CDS1: variants seen among roughly 807,000 people sequenced by gnomAD.
The protein encoded by CDS1 is phosphatidate cytidylyltransferase 1.
CDS1 carries 41 observed loss-of-function variants against 62.1 expected under a neutral mutation model. The observed-to-expected ratio is 0.66, with a 90% CI of 0.51 to 0.86. The LOEUF (loss-of-function observed/expected upper bound fraction) is 0.86. CDS1 is among the 40% of genes least tolerant of loss of function. The pLI, the probability that CDS1 is intolerant of heterozygous loss-of-function variation, is 0.00. For missense variants in CDS1, 470 were observed against 550.1 expected, an observed-to-expected ratio of 0.85 and a Z score of 1.46; for synonymous variants, 185 against 192.6, an observed-to-expected ratio of 0.96 and a Z score of 0.32.
intron 1 of CDS1, among the ~76,000 whole-genome samples, chr4:84,588,408 T>C (rs531330536): frequency 6.6e-6 from 1 of 152,370 alleles, no homozygotes; most frequent in Admixed American, 6.5e-5. Context: ...CAGGTTCTTC[T>C]TTCTTGCTGC....
At position 84,635,612 on chromosome 4, in the gene CDS1, TGCCTGCCTG is replaced by T. The variant is rs1560481487; in HGVS notation, c.810+262_810+270del. On this transcript the variant is annotated intron_variant, in intron 8 of 12. Coordinates refer to ENST00000295887, the MANE Select transcript of CDS1 (RefSeq NM_001263.4). The stretch of plus-strand genomic sequence containing the variant: ...CTGCCTGCCTGCCTGCCTGCCTGCC[TGCCTGCCTG>T]CCTGCCTTCCTTCCTTCCTTCCTTC... 4.4e-4 allele frequency among the ~76,000 whole-genome samples: 44 copies of T among 100,542 alleles called. 1 individual carries two copies. Among genetic ancestry groups the T allele is most frequent in the South Asian group, 4.9e-4 (1 of 2,028 alleles). 66.0% of individuals were successfully genotyped at this position (100,542 alleles called of 152,430 possible). A position where few individuals can be genotyped will look rare whatever the true frequency, so the allele number is the denominator to read the frequency against.
Position 84,643,015 on chromosome 4 carries a change from C to G in CDS1, c.1033-9C>G. 1 of 1,578,986 alleles carries G rather than the reference C, an allele frequency of 6.3e-7. No individual in the cohort carries two copies. Among genetic ancestry groups the G allele is most frequent in the Non-Finnish European group, 8.6e-7 (1 of 1,157,628 alleles). ...TAGCCCCTCTCCTCCCCTTCTTTCT[C>G]CTCTTTAGGAAAGAGTGAGCTTGTA... On this transcript the variant is annotated splice_polypyrimidine_tract_variant and intron_variant, in intron 10 of 12. Coordinates refer to ENST00000295887, the MANE Select transcript of CDS1 (RefSeq NM_001263.4).
intron 1 of CDS1, among the ~76,000 whole-genome samples, chr4:84,600,200 T>C (rs1722894172): frequency 6.6e-6 from 1 of 152,218 alleles, no homozygotes. Context: ...TCTGTCCAAA[T>C]ATTTTGTTCA....
intron 8 of CDS1, among the ~76,000 whole-genome samples, chr4:84,637,952 C>G (rs1052296383): frequency 5.3e-5 from 8 of 152,138 alleles, no homozygotes; most frequent in African/African-American, 1.7e-4. Flanking sequence ...GTCAAGAAAC[C>G]ATTTCTGCCA....
chr4:84,604,420 A>C, intron 2 of CDS1, 50 bp downstream of exon 2: 1 of 1,575,072 alleles, frequency 6.3e-7, no homozygotes, highest in Non-Finnish European at 8.6e-7. Flanking sequence ...ATAGGCTTTG[A>C]GGTTATCCTT....
chr4:84,600,193 G>A (rs938505629), intron 1 of CDS1, among the ~76,000 whole-genome samples: 1 of 152,080 alleles, frequency 6.6e-6, no homozygotes, highest in South Asian at 2.1e-4. Context: ...TGAAATGTCT[G>A]TCCAAATATT....
At chr4:84,611,071 T>G (rs1221625955) in intron 3 of CDS1, among the ~76,000 whole-genome samples, 3 of 152,130 alleles carry the variant, frequency 2.0e-5, no homozygotes, top group African/African-American at 4.8e-5. Context: ...AATCTGAAGG[T>G]TGAGTGGGAA....
intron 1 of CDS1, among the ~76,000 whole-genome samples, chr4:84,592,135 G>A (rs1475993768): frequency 7.0e-6 from 1 of 141,886 alleles, no homozygotes; most frequent in African/African-American, 2.6e-5. Context: ...TGGAGAGGAA[G>A]TAATTTCATT....
intron 1 of CDS1, among the ~76,000 whole-genome samples, chr4:84,584,387 A>G (rs1386004220): frequency 2.0e-5 from 3 of 152,246 alleles, no homozygotes; most frequent in Non-Finnish European, 4.4e-5. Context: ...CCGTCTGTTT[A>G]GAAAATTCCA....
intron 11 of CDS1, among the ~76,000 whole-genome samples, chr4:84,644,739 AAC>A (rs1225816080): frequency 1.3e-5 from 2 of 152,158 alleles, no homozygotes; most frequent in Non-Finnish European, 2.9e-5. Flanking sequence ...TTTTTACTCT[AAC>A]ACTTAAAAAA....
At chr4:84,608,671 C>T (rs766409651) in intron 2 of CDS1, among the ~76,000 whole-genome samples, 7 of 152,128 alleles carry the variant, frequency 4.6e-5, no homozygotes, top group Non-Finnish European at 8.8e-5. Context: ...TACTTATTCT[C>T]ATTGGCAGTC....
At chr4:84,614,091 T>G (rs1276327860) in intron 3 of CDS1, among the ~76,000 whole-genome samples, 2 of 152,160 alleles carry the variant, frequency 1.3e-5, no homozygotes, top group African/African-American at 4.8e-5. Context: ...ACATTGTGCA[T>G]CCTGCTTTTT....
intron 1 of CDS1, among the ~76,000 whole-genome samples, chr4:84,602,420 A>G (rs1458043104): frequency 6.6e-6 from 1 of 152,188 alleles, no homozygotes; most frequent in East Asian, 1.9e-4. Flanking sequence ...GAGGAGCACA[A>G]TTTGAATGCT....
intron 12 of CDS1, 94 bp from the exon 13 acceptor site, chr4:84,648,463 C>A: frequency 8.5e-7 from 1 of 1,175,956 alleles, no homozygotes; most frequent in South Asian, 1.6e-5. Flanking sequence ...CTACTCTACA[C>A]TTAAAGGAAT....
chr4:84,604,974 A>G (rs1197607165), intron 2 of CDS1, among the ~76,000 whole-genome samples: 1 of 152,138 alleles, frequency 6.6e-6, no homozygotes, highest in African/African-American at 2.4e-5. Flanking sequence ...TCCACAATCC[A>G]TTACCATTTT....
rs1257101719 is a variant in CDS1, at chr4:84,640,924, G to A, written c.966G>A (p.Glu322=). The change falls in exon 10 of 13, where the codon GAG becomes GAA. Residue 322 remains glutamate (E), a synonymous_variant. Transcript: ENST00000295887. ...TAAACTCCTTCGTGACAGAATGTGA[G>A]CCCTCAGAACTTTTCCAGCTTCAGA... The part of the protein sequence containing the change: ...SDVNSFVTEC[E]PSELFQLQTY... 2.5e-6 allele frequency: 4 copies of A among 1,611,486 alleles called. No homozygotes were observed. Among genetic ancestry groups the A allele is most frequent in the African/African-American group, 1.3e-5 (1 of 74,760 alleles).
Position 84,617,669 on chromosome 4 carries a change from A to G in CDS1, c.440+8A>G, listed in dbSNP as rs754732408. On this transcript the variant is annotated splice_region_variant and intron_variant, in intron 4 of 12. Transcript: ENST00000295887. ...GTTTAGAACACTAAGTTGGTAAGTAAGCTTGAAACTATTTCAGATATGAAA... is the reference window on the plus strand; with the variant it reads ...GTTTAGAACACTAAGTTGGTAAGTAGGCTTGAAACTATTTCAGATATGAAA... The G allele has an allele frequency of 3.6e-5, 47 of 1,297,578 alleles. No individual in the cohort carries two copies. The Middle Eastern group carries it at 5.5e-4, about 15-fold the overall frequency. The allele number at this position is 1,297,578 out of a possible 1,614,324, so 80.4% of individuals were successfully genotyped here.
chr4:84,635,253 TTTA>T lies in CDS1; in HGVS notation c.723-10_723-8del, dbSNP rs1466946253. ...TTTTCTGCTGACTTTTTTTTTTTTT[TTTA>T]AAAACAGGTTCCTTGTTCCAATATC... On this transcript the variant is annotated splice_region_variant and splice_polypyrimidine_tract_variant and intron_variant, in intron 7 of 12. Transcript: ENST00000295887. The T allele has an allele frequency of 7.0e-7, 1 of 1,435,722 alleles. No individual in the cohort carries two copies. The highest frequency in any genetic ancestry group is 1.2e-5 in the South Asian group (1 of 81,260). 88.9% of individuals were successfully genotyped at this position (1,435,722 alleles called of 1,614,324 possible).
rs1160463254 is a variant in CDS1 at position 84,624,308 on chromosome 4, G to GT, written c.580+4786dup. 4.9e-3 allele frequency among the ~76,000 whole-genome samples: 694 copies of GT among 141,546 alleles called. 4 individuals are homozygous for GT. The highest frequency in any genetic ancestry group is 0.016 in the African/African-American group (604 of 38,294). The allele number at this position is 141,546 out of a possible 152,430, so 92.9% of individuals were successfully genotyped here. ...AAAACAAACAAAAAAAAAAAAACTA[G>GT]TTTTTTTTTTTAAATGAAAATATAT... On this transcript the variant is annotated intron_variant, in intron 5 of 12. Transcript: ENST00000295887.
Sources: allele counts gnomAD v4.1 joint callset (sites outside exome capture counted in the v4.1 genomes callset), GRCh38; gene constraint gnomAD v4.1.1; transcripts MANE v1.5; gene names NCBI Gene and HGNC (gene_info 2026-07-23, HGNC 2026-07-21).